BCL2: variants seen among roughly 807,000 people sequenced by gnomAD.
BCL2 encodes the protein apoptosis regulator Bcl-2.
BCL2 carries 1 observed loss-of-function variant against 14.2 expected under a neutral mutation model. That is an observed-to-expected ratio of 0.07 (90% CI 0.02 to 0.33). The LOEUF is 0.33. Among genes scored for constraint, BCL2 ranks in the 10% least tolerant of loss-of-function variants. BCL2 has a pLI of 0.99. For missense variants in BCL2, 247 were observed against 305.9 expected (o/e 0.81, Z 1.44); for synonymous variants, 151 against 137.2 (o/e 1.10, Z -0.70).
chr18:63,178,954 C>A (rs1169641315), intron 2 of BCL2, among the ~76,000 whole-genome samples: 1 of 146,308 alleles, frequency 6.8e-6, no homozygotes, highest in African/African-American at 2.5e-5. Flanking sequence ...TTGGGGATCA[C>A]AAAAGTCATG....
chr18:63,225,297 G>A (rs1348952231), intron 2 of BCL2, among the ~76,000 whole-genome samples: 1 of 152,154 alleles, frequency 6.6e-6, no homozygotes, highest in Non-Finnish European at 1.5e-5. Context: ...AAAGAGGGGA[G>A]AGGAAGCTGT....
intron 2 of BCL2, among the ~76,000 whole-genome samples, chr18:63,244,433 C>T (rs1911099231): frequency 6.6e-6 from 1 of 151,912 alleles, no homozygotes; most frequent in African/African-American, 2.4e-5. Flanking sequence ...GTGACGGGTG[C>T]CTGTAATTCC....
chr18:63,280,893 T>C (rs1599287767), intron 2 of BCL2, among the ~76,000 whole-genome samples: 1 of 152,308 alleles, frequency 6.6e-6, no homozygotes, highest in African/African-American at 2.4e-5. Context: ...ATACCGTTCA[T>C]AGCAGCATTA....
intron 2 of BCL2, among the ~76,000 whole-genome samples, chr18:63,192,431 A>G (rs1909314227): frequency 1.3e-5 from 2 of 152,206 alleles, no homozygotes; most frequent in South Asian, 4.1e-4. Context: ...TTTGGAAATC[A>G]GATCGAGAGC....
At chr18:63,189,301 T>C (rs185306344) in intron 2 of BCL2, among the ~76,000 whole-genome samples, 2 of 152,252 alleles carry the variant, frequency 1.3e-5, no homozygotes, top group East Asian at 3.9e-4. Flanking sequence ...CCAGTCATAC[T>C]AATAACTGAT....
chr18:63,197,168 G>A (rs1045468510), intron 2 of BCL2, among the ~76,000 whole-genome samples: 1 of 152,212 alleles, frequency 6.6e-6, no homozygotes, highest in African/African-American at 2.4e-5. Context: ...GGTGGAAATC[G>A]ATTTGAAGGG....
At chr18:63,185,753 A>G (rs897236806) in intron 2 of BCL2, among the ~76,000 whole-genome samples, 1 of 152,140 alleles carries the variant, frequency 6.6e-6, no homozygotes, top group African/African-American at 2.4e-5. Flanking sequence ...CCCACTTACT[A>G]AGGAGGAAAC....
chr18:63,208,578 G>A (rs541471946), intron 2 of BCL2, among the ~76,000 whole-genome samples: 1 of 152,260 alleles, frequency 6.6e-6, no homozygotes, highest in South Asian at 2.1e-4. Flanking sequence ...TTCGTGTTGG[G>A]GGATGGTGTA....
intron 2 of BCL2, among the ~76,000 whole-genome samples, chr18:63,205,543 T>A (rs557597259): frequency 7.9e-5 from 12 of 152,322 alleles, no homozygotes; most frequent in Middle Eastern, 3.4e-3. Flanking sequence ...AGGAAAATGG[T>A]GAGCATTCCT....
intron 2 of BCL2, chr18:63,317,443 C>T: frequency 1.4e-6 from 1 of 719,020 alleles, no homozygotes; most frequent in Non-Finnish European, 1.7e-6. Flanking sequence ...GAACATGGCA[C>T]ACACTGGAGA....
chr18:63,183,020 A>C (rs1010669552), intron 2 of BCL2, among the ~76,000 whole-genome samples: 1 of 152,220 alleles, frequency 6.6e-6, no homozygotes, highest in Non-Finnish European at 1.5e-5. Context: ...GGGCATGCCT[A>C]GGTCACTGAC....
chr18:63,248,936 A>T lies in BCL2; in HGVS notation c.585+69146T>A, dbSNP rs957865495. 2.6e-5 allele frequency among the ~76,000 whole-genome samples: 4 copies of T among 152,190 alleles called. No individual in the cohort carries two copies. In the East Asian group the frequency reaches 7.7e-4, roughly 29 times the overall value. ...AGCAGCACTTCACAGAGTATTTTCCATGAAATACTGGTCCTGTAAGATGCT... is the reference window on the plus strand; with the variant it reads ...AGCAGCACTTCACAGAGTATTTTCCTTGAAATACTGGTCCTGTAAGATGCT... On this transcript the variant is annotated intron_variant, in intron 2 of 2. Transcript: ENST00000333681.
intron 2 of BCL2, among the ~76,000 whole-genome samples, chr18:63,198,483 G>A (rs566442507): frequency 8.3e-6 from 1 of 119,790 alleles, no homozygotes; most frequent in East Asian, 2.5e-4. Context: ...CACTGACAGA[G>A]ACACACACAG....
At chr18:63,275,555 G>A (rs966254094) in intron 2 of BCL2, among the ~76,000 whole-genome samples, 8 of 152,224 alleles carry the variant, frequency 5.3e-5, no homozygotes, top group African/African-American at 1.7e-4. Context: ...AGTGCCCCGA[G>A]TGTCACGAAT....
chr18:63,226,961 C>T (rs1398426545), intron 2 of BCL2, among the ~76,000 whole-genome samples: 1 of 151,924 alleles, frequency 6.6e-6, no homozygotes, highest in Non-Finnish European at 1.5e-5. Flanking sequence ...GAGACTAGGA[C>T]AAAATTTTTC....
In BCL2 at chr18:63,258,869, G is replaced by A. The variant is rs1310303649; in HGVS notation, c.585+59213C>T. ...TTTCTCTATTGACTTGGATGATTAA[G>A]AACCGACTAAAGGGAAAACAGAGAA... is the stretch of plus-strand genomic sequence containing the variant. On this transcript the variant is annotated intron_variant, in intron 2 of 2. Transcript: ENST00000333681. Among the ~76,000 whole-genome samples the A allele has an allele frequency of 2.0e-5, 3 of 152,336 alleles. No homozygotes were observed. In the East Asian group the frequency reaches 5.8e-4, roughly 29 times the overall value.
rs776699774 is a variant in BCL2, at chr18:63,318,519, A to AGAAGATGCCCGGTGCG, written c.132_147dup (p.Ser50ArgfsTer108). The AGAAGATGCCCGGTGCG allele has an allele frequency of 6.4e-7, 1 of 1,566,572 alleles. No individual in the cohort carries two copies. Among genetic ancestry groups the AGAAGATGCCCGGTGCG allele is most frequent in the Admixed American group, 1.8e-5 (1 of 54,600 alleles). On this transcript the variant is annotated frameshift_variant, in exon 2 of 3. Coordinates refer to ENST00000333681, the MANE Select transcript of BCL2 (RefSeq NM_000633.3). LOFTEE classifies it high-confidence loss of function. The surrounding 1 kb of genome is among the most constrained non-coding windows in gnomAD (Gnocchi z 7.4). ...TGGGGCGTGTGCCCGGGCTGGGAGGAGAAGATGCCCGGTGCGGGGGCGGCC... is the reference window on the plus strand; with the variant it reads ...TGGGGCGTGTGCCCGGGCTGGGAGGAGAAGATGCCCGGTGCGGAAGATGCCCGGTGCGGGGGCGGCC...
intron 2 of BCL2, among the ~76,000 whole-genome samples, chr18:63,265,469 C>A (rs748710949): frequency 1.3e-5 from 2 of 152,180 alleles, no homozygotes; most frequent in Non-Finnish European, 2.9e-5. Flanking sequence ...TCTGACTCCA[C>A]AGTTGGTTTT....
intron 2 of BCL2, among the ~76,000 whole-genome samples, chr18:63,199,507 GAC>G (rs1909624625): frequency 6.8e-6 from 1 of 147,546 alleles, no homozygotes; most frequent in African/African-American, 2.5e-5. Flanking sequence ...TGCATACACA[GAC>G]ACAGAGACAC....
Sources: allele counts gnomAD v4.1 joint callset (sites outside exome capture counted in the v4.1 genomes callset), GRCh38; gene constraint gnomAD v4.1.1; non-coding constraint Gnocchi (gnomAD v3.1); transcripts MANE v1.5; gene names NCBI Gene and HGNC (gene_info 2026-07-23, HGNC 2026-07-21).